Variants in APBB2 observed in about 807,000 individuals in gnomAD.
APBB2 encodes the protein amyloid beta precursor protein binding family B member 2.
A neutral mutation model predicts 82.5 loss-of-function variants in APBB2; 38 were observed. The ratio of observed to expected loss-of-function variants is 0.46; its 90% CI spans 0.36 to 0.60. The LOEUF (loss-of-function observed/expected upper bound fraction) is 0.60, where lower values mean the gene tolerates loss of function less well. APBB2 is among the 20% of genes least tolerant of loss of function. The pLI is 0.00. For missense variants in APBB2, 772 were observed against 972.3 expected (o/e 0.79, Z 2.74); for synonymous variants, 341 against 368.2 (o/e 0.93, Z 0.85).
chr4:41,093,345 A>T (rs1355636633), intron 3 of APBB2, among the ~76,000 whole-genome samples: 4 of 152,204 alleles, frequency 2.6e-5, no homozygotes, highest in African/African-American at 9.7e-5. Context: ...CCTGAGATAA[A>T]CATAGGCTAT....
intron 6 of APBB2, among the ~76,000 whole-genome samples, chr4:40,950,703 T>G (rs1789894157): frequency 6.6e-6 from 1 of 151,886 alleles, no homozygotes; most frequent in Non-Finnish European, 1.5e-5. Flanking sequence ...ATTAGCCGAG[T>G]GTGGTTGCAT....
In APBB2 at chr4:41,164,843, G is replaced by A. The variant is rs140009294; in HGVS notation, c.-416-21701C>T. On this transcript the variant is annotated intron_variant, in intron 1 of 17. Transcript: ENST00000508593. ...TTTTAATTTAGAAATAGTCCTAAGT[G>A]ATCTTTTAAACATGGCTGTTTTTTA... Among the ~76,000 whole-genome samples the A allele has an allele frequency of 5.3e-4, 80 of 152,288 alleles. No homozygotes were observed. The East Asian group carries it at 0.014, about 27-fold the overall frequency.
rs887007442 is a variant in APBB2, at chr4:41,127,174, CAA to C, written c.-261+15811_-261+15812del. On this transcript the variant is annotated intron_variant, in intron 2 of 17. Coordinates refer to ENST00000508593, the MANE Select transcript of APBB2 (RefSeq NM_004307.2). The surrounding 1 kb of genome is among the most constrained non-coding windows in gnomAD (Gnocchi z 4.8). ...CCCAATGACACCCTGATTTTGATTA[CAA>C]AAAAAAAAAGCAACATATCTTTTTC... 2.1e-5 allele frequency among the ~76,000 whole-genome samples: 3 copies of C among 139,890 alleles called. No homozygotes were observed. The highest frequency in any genetic ancestry group is 2.6e-5 in the African/African-American group (1 of 38,142). The allele number at this position is 139,890 out of a possible 152,430, so 91.8% of individuals were successfully genotyped here. A position where few individuals can be genotyped will look rare whatever the true frequency, so the allele number is the denominator to read the frequency against.
At chr4:40,848,023 C>T (rs1758195875) in intron 12 of APBB2, among the ~76,000 whole-genome samples, 1 of 152,086 alleles carries the variant, frequency 6.6e-6, no homozygotes, top group Non-Finnish European at 1.5e-5. Context: ...AAAGGTTGGT[C>T]TCAAACTTTT....
At chr4:41,140,179 C>T (rs886775600) in intron 2 of APBB2, among the ~76,000 whole-genome samples, 32 of 152,182 alleles carry the variant, frequency 2.1e-4, no homozygotes, top group African/African-American at 7.0e-4. Flanking sequence ...GTTACCTTGT[C>T]GTGTTAAAAC....
intron 2 of APBB2, among the ~76,000 whole-genome samples, chr4:41,101,840 T>C (rs1560754990): frequency 6.6e-6 from 1 of 151,406 alleles, no homozygotes; most frequent in African/African-American, 2.4e-5. Flanking sequence ...GCGCCTGTAA[T>C]CCCAGCTACT....
chr4:41,109,874 G>A (rs1194779806), intron 2 of APBB2, among the ~76,000 whole-genome samples: 1 of 152,190 alleles, frequency 6.6e-6, no homozygotes, highest in Non-Finnish European at 1.5e-5. Context: ...AGGTCACGGA[G>A]CTAAAAAATT....
At chr4:41,157,455 C>T (rs1218030610) in intron 1 of APBB2, among the ~76,000 whole-genome samples, 1 of 152,146 alleles carries the variant, frequency 6.6e-6, no homozygotes, top group Non-Finnish European at 1.5e-5. Context: ...CTAAATTTTT[C>T]ACCCCTAGAG....
intron 1 of APBB2, among the ~76,000 whole-genome samples, chr4:41,213,677 G>A (rs1299538899): frequency 3.3e-5 from 5 of 152,144 alleles, no homozygotes; most frequent in South Asian, 2.1e-4. Flanking sequence ...CATTTCTAGC[G>A]TACCACCCTC....
intron 4 of APBB2, among the ~76,000 whole-genome samples, chr4:41,054,816 G>C (rs1178676234): frequency 1.3e-5 from 2 of 151,996 alleles, no homozygotes; most frequent in Admixed American, 1.3e-4. Context: ...AGGCAGAAAA[G>C]CCATGGAAAC....
intron 6 of APBB2, among the ~76,000 whole-genome samples, chr4:40,959,911 T>C (rs1277969422): frequency 6.6e-6 from 1 of 152,174 alleles, no homozygotes; most frequent in Non-Finnish European, 1.5e-5. Context: ...CCCATTTTAC[T>C]AAAGAAACAG....
chr4:40,904,735 A>C (rs557113316), intron 10 of APBB2, among the ~76,000 whole-genome samples: 1 of 146,180 alleles, frequency 6.8e-6, no homozygotes, highest in Admixed American at 7.0e-5. Context: ...CTAGGATGTC[A>C]GTGGGTTCTG....
In APBB2 at chr4:41,105,802, C is replaced by T. The variant is rs931065085; in HGVS notation, c.-260-5052G>A. On this transcript the variant is annotated intron_variant, in intron 2 of 17. Coordinates refer to ENST00000508593, the MANE Select transcript of APBB2 (RefSeq NM_004307.2). ...TCAGGAGGCTGAGGCAGGAGAATGG[C>T]GTGAACCCGGGAGGCGGAGCTTGCG... is the stretch of plus-strand genomic sequence containing the variant. 2.6e-5 allele frequency among the ~76,000 whole-genome samples: 4 copies of T among 151,104 alleles called. No homozygotes were observed. The Admixed American group carries it at 2.7e-4, about 10-fold the overall frequency.
chr4:41,067,336 GA>G (rs1732253182), intron 3 of APBB2, among the ~76,000 whole-genome samples: 1 of 151,956 alleles, frequency 6.6e-6, no homozygotes, highest in Non-Finnish European at 1.5e-5. Flanking sequence ...TTGAACCTGG[GA>G]GGCGGAGGTT....
intron 1 of APBB2, among the ~76,000 whole-genome samples, chr4:41,164,128 T>C (rs1765875453): frequency 6.6e-6 from 1 of 152,230 alleles, no homozygotes; most frequent in Non-Finnish European, 1.5e-5. Context: ...TCATGTTTCA[T>C]ATATAACTTA....
chr4:40,858,821 C>CGA (rs777131387), intron 12 of APBB2, among the ~76,000 whole-genome samples: 93 of 152,298 alleles, frequency 6.1e-4, no homozygotes, highest in South Asian at 1.2e-3. Context: ...TCTGAATCTA[C>CGA]GATCAGTAAC....
intron 12 of APBB2, among the ~76,000 whole-genome samples, chr4:40,871,248 G>A (rs1011522565): frequency 2.6e-5 from 4 of 152,220 alleles, no homozygotes; most frequent in East Asian, 1.9e-4. Context: ...TTCAAGTGGC[G>A]ATCCTCCCGC....
chr4:41,021,086 CCTT>C, intron 5 of APBB2, among the ~76,000 whole-genome samples: 1 of 152,208 alleles, frequency 6.6e-6, no homozygotes, highest in Non-Finnish European at 1.5e-5. Flanking sequence ...TTTTTAATCT[CCTT>C]GTCAAATTTG....
At chr4:41,165,242 A>T (rs1262997895) in intron 1 of APBB2, among the ~76,000 whole-genome samples, 1 of 152,152 alleles carries the variant, frequency 6.6e-6, no homozygotes, top group East Asian at 1.9e-4. Flanking sequence ...GGGTCCTAAG[A>T]GTACCCGTCT....
Sources: gnomAD v4.1 joint callset for allele counts (sites outside exome capture counted in the v4.1 genomes callset) on GRCh38, gnomAD v4.1.1 for gene constraint, Gnocchi (gnomAD v3.1) non-coding constraint, MANE v1.5 for transcripts, NCBI Gene and HGNC (gene_info 2026-07-23, HGNC 2026-07-21) for gene names.